The following VSIG10 variants were observed in gnomAD, a reference collection of about 807,000 sequenced individuals.
VSIG10 encodes the protein V-set and immunoglobulin domain containing 10.
VSIG10 carries 48 observed loss-of-function variants against 58.7 expected under a neutral mutation model. That is an observed-to-expected ratio of 0.82 (90% confidence interval 0.65 to 1.04). The LOEUF (loss-of-function observed/expected upper bound fraction) is 1.04. VSIG10 is among the 50% of genes least tolerant of loss of function. The pLI is 0.00. For missense variants in VSIG10, 628 were observed against 670.0 expected, an observed-to-expected ratio of 0.94 and a Z score of 0.69; for synonymous variants, 260 against 267.1, an observed-to-expected ratio of 0.97 and a Z score of 0.26.
At chr12:118,081,603 G>C (rs1486741029) in intron 3 of VSIG10, among the ~76,000 whole-genome samples, 1 of 152,164 alleles carries the variant, frequency 6.6e-6, no homozygotes, top group Non-Finnish European at 1.5e-5. Flanking sequence ...CTGCACCCCT[G>C]CATAGCAGCA....
intron 2 of VSIG10, among the ~76,000 whole-genome samples, chr12:118,087,303 C>T (rs2033155558): frequency 6.6e-6 from 1 of 151,906 alleles, no homozygotes; most frequent in Non-Finnish European, 1.5e-5. Flanking sequence ...CCCGGGCCTA[C>T]AGAAAACCTG....
intron 4 of VSIG10, among the ~76,000 whole-genome samples, 181 bp downstream of exon 4, chr12:118,079,165 G>A (rs1468840059): frequency 6.6e-6 from 1 of 152,008 alleles, no homozygotes; most frequent in African/African-American, 2.4e-5. Context: ...AGAAGCTTGA[G>A]CTAAGCATCT....
intron 7 of VSIG10, among the ~76,000 whole-genome samples, chr12:118,069,885 G>A (rs1369788217): frequency 6.6e-6 from 1 of 152,136 alleles, no homozygotes; most frequent in Non-Finnish European, 1.5e-5. Flanking sequence ...ATGGGTACAG[G>A]GCTTGGGAAT....
chr12:118,103,509 C>A, intron 1 of VSIG10, 84 bp downstream of exon 1: 6 of 1,346,822 alleles, frequency 4.5e-6, no homozygotes, highest in South Asian at 2.9e-5. Flanking sequence ...CGGGCGGAGT[C>A]GGAGGGAATT....
chr12:118,096,992 T>C (rs2033480346), intron 1 of VSIG10, among the ~76,000 whole-genome samples: 1 of 152,108 alleles, frequency 6.6e-6, no homozygotes, highest in Admixed American at 6.6e-5. Flanking sequence ...TGAGCCGAGA[T>C]TGCGCCACTG....
chr12:118,095,690 C>A lies in VSIG10; in HGVS notation c.204G>T (p.Ser68=), dbSNP rs548600663. 4 of 1,613,774 alleles carry A rather than the reference C, an allele frequency of 2.5e-6. No homozygotes were observed. Among genetic ancestry groups the A allele is most frequent in the African/African-American group, 2.7e-5 (2 of 74,888 alleles). ...CAGCTGGCCGGAGGCTAGAGTTGGACGAGAGAAGGAAGACAGGCTCCGAGT... is the reference window on the plus strand; with the variant it reads ...CAGCTGGCCGGAGGCTAGAGTTGGAAGAGAGAAGGAAGACAGGCTCCGAGT... ...RNNSEPVFLL[S]SNSSLRPAEP... is the part of the protein sequence containing the mutation. The change falls in exon 2 of 9, where the codon TCG becomes TCT. Residue 68 remains serine (S), a synonymous_variant. Transcript: ENST00000359236.
chr12:118,085,013 C>T (rs968877723), intron 2 of VSIG10, among the ~76,000 whole-genome samples: 2 of 152,072 alleles, frequency 1.3e-5, no homozygotes, highest in Non-Finnish European at 2.9e-5. Context: ...AGTGAGACTC[C>T]GTCTCGAACA....
chr12:118,079,501 A>C lies in VSIG10; in HGVS notation c.770T>G (p.Leu257Arg). 6.2e-7 allele frequency: 1 copy of C among 1,614,034 alleles called. No homozygotes were observed. Residue 257 changes from leucine to arginine, a missense_variant, in exon 4 of 9, where the codon CTG becomes CGG. Physicochemically the swap from Leu to Arg is moderately radical, Grantham distance 102 (BLOSUM62 -2). Coordinates refer to ENST00000359236, the MANE Select transcript of VSIG10 (RefSeq NM_019086.6). The part of the protein sequence containing the change: ...WDGGYPDPDF[L>R]WIEEPGGVIV... ...TACACCTCCTGGCTCTTCTATCCAC[A>C]GGAAGTCAGGGTCAGGGTATCCCCC...
At position 118,073,944 on chromosome 12, in the gene VSIG10, C is replaced by T. The variant is rs533999311; in HGVS notation, c.974G>A (p.Gly325Asp). 1.2e-6 allele frequency: 2 copies of T among 1,604,116 alleles called. No individual in the cohort carries two copies. Among genetic ancestry groups the T allele is most frequent in the Admixed American group, 1.7e-5 (1 of 59,366 alleles). The part of the protein sequence containing the change: ...SEPMKTCFTG[G>D]NVTLTCQVSG... ...CACCTGGCATGTAAGCGTCACATTG[C>T]CCCCAGTGAAGCAAGTCTTCATGGG... Residue 325 changes from glycine to aspartate, a missense_variant, in exon 5 of 9, where the codon GGC (glycine) becomes GAC (aspartate). Gly to Asp is a moderately conservative substitution (Grantham distance 94). Transcript: ENST00000359236.
At chr12:118,071,286 G>C in intron 6 of VSIG10, 73 bp downstream of exon 6, 1 of 1,450,410 alleles carries the variant, frequency 6.9e-7, no homozygotes, top group Non-Finnish European at 9.6e-7. Context: ...GAGCAAGGCA[G>C]GGGCCATCCT....
chr12:118,088,958 T>C (rs1419736566), intron 2 of VSIG10, among the ~76,000 whole-genome samples: 1 of 151,732 alleles, frequency 6.6e-6, no homozygotes, highest in African/African-American at 2.4e-5. Context: ...TTTTTTTTTT[T>C]TTTTTATGAG....
intron 2 of VSIG10, among the ~76,000 whole-genome samples, chr12:118,094,751 T>G (rs1457594528): frequency 1.3e-5 from 2 of 151,864 alleles, no homozygotes; most frequent in Admixed American, 1.3e-4. Flanking sequence ...TTTTTTTTTT[T>G]TCTGAGACGG....
intron 7 of VSIG10, among the ~76,000 whole-genome samples, chr12:118,068,826 TGAC>T (rs1245618016): frequency 6.6e-6 from 1 of 152,150 alleles, no homozygotes; most frequent in African/African-American, 2.4e-5. Flanking sequence ...CTTGGGCAGG[TGAC>T]CATATTGTCC....
rs1234648609 is a variant in VSIG10 at position 118,063,636 on chromosome 12, T to C, written c.*3003A>G. 1 of 152,148 alleles carries C rather than the reference T, an allele frequency of 6.6e-6. No homozygotes were observed. The highest frequency in any genetic ancestry group is 1.9e-4 in the East Asian group (1 of 5,198). 9.4% of individuals were successfully genotyped at this position (152,148 alleles called of 1,614,324 possible). On this transcript the variant is annotated 3_prime_UTR_variant, in exon 9 of 9. Coordinates refer to ENST00000359236, the MANE Select transcript of VSIG10 (RefSeq NM_019086.6). ...ATTCCATTATCTTTTAAAAAAGGCA[T>C]ATGATAACCTCAGAACTAATTTCTC...
Position 118,082,158 on chromosome 12 carries a change from A to C in VSIG10, c.633T>G (p.His211Gln). The change falls in exon 3 of 9, where the codon CAT becomes CAG. Residue 211 changes from histidine to glutamine, a missense_variant. Transcript: ENST00000359236. ...CLALNQLSKR[H>Q]RKVTTELLVY... ...CCAGGAGCTCGGTGGTCACCTTTCG[A>C]TGTCTCTTGCTGAGCTGATTCAAGG... 6.2e-7 allele frequency: 1 copy of C among 1,613,958 alleles called. No individual in the cohort carries two copies. The highest frequency in any genetic ancestry group is 8.5e-7 in the Non-Finnish European group (1 of 1,179,862).
At position 118,068,558 on chromosome 12, in the gene VSIG10, T is replaced by G; in HGVS notation, c.1386A>C (p.Ser462=). The stretch of plus-strand genomic sequence containing the variant: ...CCTCCTCCTCCTCCTCTTCCTCTTC[T>G]GAATCCACCAAAACCATGACATCAT... ...NMDDVMVLVD[S]EEEEEEEEEE... The change falls in exon 8 of 9, where the codon TCA becomes TCC. Residue 462 remains serine, a synonymous_variant. Transcript: ENST00000359236. 6.3e-7 allele frequency: 1 copy of G among 1,592,266 alleles called. No homozygotes were observed. The highest frequency in any genetic ancestry group is 1.1e-5 in the South Asian group (1 of 88,954).
chr12:118,083,904 T>C (rs1029436369), intron 2 of VSIG10, among the ~76,000 whole-genome samples: 1 of 151,548 alleles, frequency 6.6e-6, no homozygotes, highest in Non-Finnish European at 1.5e-5. Context: ...AAAGATCACA[T>C]GAGCCCAGGA....
chr12:118,079,728 T>A, intron 3 of VSIG10, 122 bp from the exon 4 acceptor site: 1 of 1,338,268 alleles, frequency 7.5e-7, no homozygotes, highest in African/African-American at 1.5e-5. Context: ...AGTGTTAGCA[T>A]CTAATAGCTC....
chr12:118,067,741 C>T (rs976710604), intron 8 of VSIG10, among the ~76,000 whole-genome samples: 1 of 152,090 alleles, frequency 6.6e-6, no homozygotes, highest in Non-Finnish European at 1.5e-5. Flanking sequence ...GGATTATAGG[C>T]GTGAGCCACC....
Sources: allele counts gnomAD v4.1 joint callset (sites outside exome capture counted in the v4.1 genomes callset), GRCh38; gene constraint gnomAD v4.1.1; transcripts MANE v1.5; gene names NCBI Gene and HGNC (gene_info 2026-07-23, HGNC 2026-07-21).